Variants in TMEM117 observed in about 807,000 individuals in gnomAD.
The protein encoded by TMEM117 is transmembrane protein 117.
In TMEM117, 27 loss-of-function variants were observed where a neutral mutation model predicts 52.4. The ratio of observed to expected loss-of-function variants is 0.51; its 90% CI spans 0.38 to 0.71. The LOEUF (loss-of-function observed/expected upper bound fraction) is 0.71. TMEM117 is among the 30% of genes least tolerant of loss of function. The pLI is 0.00. For missense variants in TMEM117, 556 were observed against 630.5 expected, an observed-to-expected ratio of 0.88 and a Z score of 1.26; for synonymous variants, 215 against 206.3, an observed-to-expected ratio of 1.04 and a Z score of -0.36.
chr12:44,218,223 A>AAAAAAAC (rs992921593), intron 5 of TMEM117, among the ~76,000 whole-genome samples: 1 of 151,920 alleles, frequency 6.6e-6, no homozygotes, highest in Non-Finnish European at 1.5e-5. Context: ...GGCTCCGTCA[A>AAAAAAAC]AAAAAACAAA....
intron 6 of TMEM117, among the ~76,000 whole-genome samples, chr12:44,327,277 G>A (rs575009812): frequency 2.0e-5 from 3 of 152,234 alleles, no homozygotes; most frequent in South Asian, 2.1e-4. Flanking sequence ...TGAATTTATA[G>A]TACATTCAGG....
At chr12:44,386,517 T>C (rs186302537) in intron 7 of TMEM117, among the ~76,000 whole-genome samples, 100 of 152,248 alleles carry the variant, frequency 6.6e-4, no homozygotes, top group African/African-American at 2.1e-3. Context: ...TCATATAGTT[T>C]AGGTAAGCTC....
chr12:43,805,821 GA>G, the TMEM117 span: 14 of 1,377,160 alleles, frequency 1.0e-5, no homozygotes, highest in Non-Finnish European at 1.3e-5. Flanking sequence ...CCATGAAAAA[GA>G]AAACTCGCCT....
intron 3 of TMEM117, among the ~76,000 whole-genome samples, chr12:44,048,899 G>A (rs985714135): frequency 1.1e-4 from 16 of 152,100 alleles, no homozygotes; most frequent in African/African-American, 3.4e-4. Context: ...CAAGGGAGTG[G>A]CATTTAATGC....
intron 3 of TMEM117, among the ~76,000 whole-genome samples, chr12:44,092,068 C>T (rs1947682758): frequency 6.6e-6 from 1 of 152,142 alleles, no homozygotes; most frequent in Admixed American, 6.5e-5. Flanking sequence ...TCAGATGCCT[C>T]ATCTTGGAAT....
chr12:44,046,290 A>G (rs911099156), intron 3 of TMEM117, among the ~76,000 whole-genome samples: 2 of 152,188 alleles, frequency 1.3e-5, no homozygotes, highest in African/African-American at 4.8e-5. Context: ...TGCCACCTGG[A>G]CACTTTGGGC....
At chr12:44,103,714 A>G (rs775607325) in intron 3 of TMEM117, among the ~76,000 whole-genome samples, 5 of 152,006 alleles carry the variant, frequency 3.3e-5, no homozygotes. Context: ...CCACACAACT[A>G]TGAGGTGACA....
the TMEM117 span, among the ~76,000 whole-genome samples, chr12:43,804,816 G>A: frequency 6.6e-6 from 1 of 152,186 alleles, no homozygotes; most frequent in Admixed American, 6.5e-5. Flanking sequence ...ATTCTGTGCA[G>A]AAATAACACT....
the TMEM117 span, among the ~76,000 whole-genome samples, chr12:43,806,588 C>G: frequency 6.6e-6 from 1 of 152,178 alleles, no homozygotes; most frequent in Non-Finnish European, 1.5e-5. Context: ...ACAACCCCGC[C>G]GACGCCGCCA....
chr12:44,328,285 A>G (rs1031991545), intron 6 of TMEM117, among the ~76,000 whole-genome samples: 1 of 152,178 alleles, frequency 6.6e-6, no homozygotes, highest in African/African-American at 2.4e-5. Context: ...TATTGCCACC[A>G]TTTGGCCAGT....
chr12:44,385,719 A>G (rs966619430), intron 7 of TMEM117, among the ~76,000 whole-genome samples: 1 of 152,162 alleles, frequency 6.6e-6, no homozygotes, highest in Middle Eastern at 3.2e-3. Flanking sequence ...GAATAAATAT[A>G]AAGCTCCGAC....
At chr12:44,079,458 G>A (rs1399146598) in intron 3 of TMEM117, among the ~76,000 whole-genome samples, 2 of 152,068 alleles carry the variant, frequency 1.3e-5, no homozygotes, top group Non-Finnish European at 2.9e-5. Flanking sequence ...TTTCTCTAAT[G>A]ACCAGTGATG....
At chr12:44,233,674 T>A (rs898578448) in intron 5 of TMEM117, among the ~76,000 whole-genome samples, 2 of 151,488 alleles carry the variant, frequency 1.3e-5, no homozygotes, top group African/African-American at 4.8e-5. Flanking sequence ...TTATTGTATC[T>A]TTCATTTTTA....
intron 2 of TMEM117, among the ~76,000 whole-genome samples, chr12:43,895,300 T>C (rs1944179820): frequency 6.6e-6 from 1 of 152,178 alleles, no homozygotes; most frequent in African/African-American, 2.4e-5. Context: ...CCTTCATCTC[T>C]ATCCATGTCT....
At chr12:44,212,104 T>G (rs1190581484) in intron 5 of TMEM117, among the ~76,000 whole-genome samples, 1 of 152,214 alleles carries the variant, frequency 6.6e-6, no homozygotes, top group Non-Finnish European at 1.5e-5. Flanking sequence ...TTCCCCCTTA[T>G]CTATGGTTTT....
At chr12:44,086,199 A>G (rs1947562170) in intron 3 of TMEM117, among the ~76,000 whole-genome samples, 1 of 148,542 alleles carries the variant, frequency 6.7e-6, no homozygotes, top group East Asian at 2.0e-4. Flanking sequence ...AGTATCTTGG[A>G]TGTTGCTTCC....
upstream of TMEM117, among the ~76,000 whole-genome samples, chr12:43,832,590 C>T (rs756235503): frequency 2.4e-4 from 36 of 152,276 alleles, no homozygotes; most frequent in Non-Finnish European, 4.4e-4. Context: ...AACTTTATAG[C>T]GAGTAAGCAG....
intron 3 of TMEM117, among the ~76,000 whole-genome samples, chr12:44,022,391 G>C (rs552238886): frequency 6.6e-6 from 1 of 152,230 alleles, no homozygotes; most frequent in South Asian, 2.1e-4. Context: ...TCATGACTTG[G>C]GCGTCCAAAG....
chr12:44,091,591 A>G (rs1437466500), intron 3 of TMEM117, among the ~76,000 whole-genome samples: 3 of 152,226 alleles, frequency 2.0e-5, no homozygotes, highest in Admixed American at 1.3e-4. Context: ...AATAAAATGT[A>G]AAGTTTGACA....
Sources: allele counts gnomAD v4.1 joint callset (sites outside exome capture counted in the v4.1 genomes callset), GRCh38; gene constraint gnomAD v4.1.1; transcripts MANE v1.5; gene names NCBI Gene and HGNC (gene_info 2026-07-23, HGNC 2026-07-21).